PDGFD: variants seen among roughly 807,000 people sequenced by gnomAD.
PDGFD encodes platelet derived growth factor D.
A neutral mutation model predicts 44.7 loss-of-function variants in PDGFD; 30 were observed. The ratio of observed to expected loss-of-function variants is 0.67; its 90% confidence interval spans 0.50 to 0.91. The LOEUF (loss-of-function observed/expected upper bound fraction) is 0.91, where lower values mean the gene tolerates loss of function less well. Among genes scored for constraint, PDGFD ranks in the 40% least tolerant of loss-of-function variants. The probability of loss-of-function intolerance (pLI) is 0.00; values close to 1 mark genes in which losing one functional copy is unlikely to be tolerated. For synonymous variants in PDGFD, 173 were observed against 168.4 expected (o/e 1.03, Z -0.21); for missense variants, 445 against 457.8 (o/e 0.97, Z 0.25).
intron 1 of PDGFD, among the ~76,000 whole-genome samples, chr11:104,024,884 G>T (rs1860019528): frequency 6.6e-6 from 1 of 152,146 alleles, no homozygotes; most frequent in Non-Finnish European, 1.5e-5. Flanking sequence ...AGAAGTTGTG[G>T]GAAGAATATG....
intron 6 of PDGFD, among the ~76,000 whole-genome samples, chr11:103,916,847 C>A (rs3018607): frequency 1 from 152,333 of 152,334 alleles, 76,166 homozygotes; most frequent in Non-Finnish European, 1. Flanking sequence ...ACAGAAAACC[C>A]AACACCACAT....
chr11:104,065,531 T>C (rs1280153510), intron 1 of PDGFD, among the ~76,000 whole-genome samples: 1 of 152,118 alleles, frequency 6.6e-6, no homozygotes, highest in Non-Finnish European at 1.5e-5. Flanking sequence ...GGCAAATAAA[T>C]ATAAATAAAA....
intron 1 of PDGFD, among the ~76,000 whole-genome samples, chr11:104,148,185 TATA>T (rs1467580047): frequency 6.6e-6 from 1 of 152,184 alleles, no homozygotes; most frequent in African/African-American, 2.4e-5. Context: ...CCAGTGTTGA[TATA>T]ATAATAAAAT....
At chr11:104,097,869 C>G (rs1446210410) in intron 1 of PDGFD, among the ~76,000 whole-genome samples, 2 of 152,118 alleles carry the variant, frequency 1.3e-5, no homozygotes, top group East Asian at 3.9e-4. Flanking sequence ...TACTGCTTCC[C>G]TTAAGCACAA....
chr11:104,002,893 C>A (rs1859641355), intron 1 of PDGFD, among the ~76,000 whole-genome samples: 1 of 152,094 alleles, frequency 6.6e-6, no homozygotes, highest in African/African-American at 2.4e-5. Context: ...TAGAAGGTAA[C>A]CATGAGTCTA....
chr11:104,159,616 C>G (rs964352580), intron 1 of PDGFD, among the ~76,000 whole-genome samples: 29 of 152,134 alleles, frequency 1.9e-4, no homozygotes, highest in Admixed American at 1.5e-3. Context: ...TGCGTGACAT[C>G]AAGCTTATGC....
Position 104,096,838 on chromosome 11 carries a change from C to T in PDGFD, c.124+66966G>A, listed in dbSNP as rs1861296664. On this transcript the variant is annotated intron_variant, in intron 1 of 6. Transcript: ENST00000393158. The stretch of plus-strand genomic sequence containing the variant: ...ATCCAATGGTGTAAAGCTCCTTCTT[C>T]AAAGGGTATAAAACTGAAGTTGTGC... Among the ~76,000 whole-genome samples the T allele has an allele frequency of 2.0e-5, 3 of 152,126 alleles. No homozygotes were observed. In the South Asian group the frequency reaches 6.2e-4, roughly 31 times the overall value.
intron 6 of PDGFD, among the ~76,000 whole-genome samples, chr11:103,914,921 T>G (rs10895541): frequency 0.46 from 69,675 of 152,046 alleles, 16,068 homozygotes; most frequent in South Asian, 0.49. Context: ...AAATTCTCAG[T>G]AAACTAGGTA....
intron 3 of PDGFD, among the ~76,000 whole-genome samples, chr11:103,982,687 C>T (rs1370808455): frequency 6.6e-6 from 1 of 151,770 alleles, no homozygotes; most frequent in African/African-American, 2.4e-5. Context: ...AGCCCAAAAG[C>T]TTTTTACATT....
At chr11:103,982,089 C>T (rs930039476) in intron 3 of PDGFD, among the ~76,000 whole-genome samples, 1 of 151,838 alleles carries the variant, frequency 6.6e-6, no homozygotes, top group East Asian at 1.9e-4. Context: ...CTACTCTGAA[C>T]CCAATCCTCA....
At chr11:104,096,392 T>C (rs1246575597) in intron 1 of PDGFD, among the ~76,000 whole-genome samples, 1 of 152,148 alleles carries the variant, frequency 6.6e-6, no homozygotes, top group Non-Finnish European at 1.5e-5. Flanking sequence ...AAGCCAAGTA[T>C]TAATGCAAAA....
intron 1 of PDGFD, among the ~76,000 whole-genome samples, chr11:104,040,814 C>T (rs1337348497): frequency 6.6e-6 from 1 of 151,844 alleles, no homozygotes; most frequent in Non-Finnish European, 1.5e-5. Flanking sequence ...CTCTATACAT[C>T]ATTATATAAC....
chr11:103,961,541 T>C (rs552863138), intron 3 of PDGFD, among the ~76,000 whole-genome samples: 13 of 152,286 alleles, frequency 8.5e-5, no homozygotes, highest in African/African-American at 3.1e-4. Context: ...ATCTGGGATC[T>C]GTGAGTATGT....
intron 1 of PDGFD, among the ~76,000 whole-genome samples, chr11:104,141,804 A>G (rs1862089465): frequency 6.6e-6 from 1 of 152,182 alleles, no homozygotes; most frequent in Non-Finnish European, 1.5e-5. Context: ...AGCAGGTAAC[A>G]GGCCTCCCCT....
Position 103,996,078 on chromosome 11 carries a change from T to C in PDGFD, c.497A>G (p.Tyr166Cys). 1.2e-6 allele frequency: 2 copies of C among 1,613,222 alleles called. No homozygotes were observed. Among genetic ancestry groups the C allele is most frequent in the South Asian group, 1.1e-5 (1 of 90,912 alleles). The change falls in exon 3 of 7, where the codon TAT becomes TGT. Residue 166 changes from tyrosine to cysteine, a missense_variant. Transcript: ENST00000393158. The stretch of plus-strand genomic sequence containing the variant: ...TTAAGTACTCACCAGCAAAGAATAA[T>C]AAATCTTGAATCCAGGTTTAGCCAC... ...YFVAKPGFKI[Y>C]YSLLEDFQPA...
At chr11:104,156,602 A>G in intron 1 of PDGFD, among the ~76,000 whole-genome samples, 1 of 152,186 alleles carries the variant, frequency 6.6e-6, no homozygotes, top group African/African-American at 2.4e-5. Context: ...TCCTAATTGT[A>G]TAAAAACCAC....
At chr11:103,925,718 T>C (rs180697783) in intron 6 of PDGFD, among the ~76,000 whole-genome samples, 1,258 of 47,880 alleles carry the variant, frequency 0.026, 4 homozygotes, top group East Asian at 0.046. Flanking sequence ...CACACACACA[T>C]ATATATATAT....
intron 1 of PDGFD, among the ~76,000 whole-genome samples, chr11:104,075,259 T>A (rs929792360): frequency 6.6e-6 from 1 of 152,198 alleles, no homozygotes; most frequent in Non-Finnish European, 1.5e-5. Flanking sequence ...AGCATGTTAT[T>A]GATGAATTTG....
chr11:104,039,717 G>T (rs1391551840), intron 1 of PDGFD, among the ~76,000 whole-genome samples: 1 of 152,084 alleles, frequency 6.6e-6, no homozygotes, highest in Non-Finnish European at 1.5e-5. Flanking sequence ...TAAAGTCAGG[G>T]ATAAGCAAAA....
Sources: gnomAD v4.1 joint callset for allele counts (sites outside exome capture counted in the v4.1 genomes callset) on GRCh38, gnomAD v4.1.1 for gene constraint, MANE v1.5 for transcripts, NCBI Gene and HGNC (gene_info 2026-07-23, HGNC 2026-07-21) for gene names.